Variants in ARL14EP observed in about 807,000 individuals in gnomAD.
ARL14EP encodes the protein ARL14 effector protein.
In ARL14EP, 12 loss-of-function variants were observed where a neutral mutation model predicts 23.1. The observed-to-expected ratio is 0.52, with a 90% confidence interval of 0.33 to 0.84. ARL14EP has a LOEUF of 0.84. ARL14EP is among the 40% of genes least tolerant of loss of function. ARL14EP has a pLI of 0.02. For missense variants in ARL14EP, 253 were observed against 307.3 expected (o/e 0.82, Z 1.32); for synonymous variants, 97 against 102.0 (o/e 0.95, Z 0.29).
chr11:30,332,410 T>C (rs1244498098), intron 2 of ARL14EP, among the ~76,000 whole-genome samples: 1 of 152,066 alleles, frequency 6.6e-6, no homozygotes, highest in African/African-American at 2.4e-5. Context: ...ACCGAAATTT[T>C]GTTTCACCAA....
intron 1 of ARL14EP, among the ~76,000 whole-genome samples, chr11:30,326,150 A>G (rs1479141819): frequency 6.6e-6 from 1 of 152,198 alleles, no homozygotes; most frequent in Non-Finnish European, 1.5e-5. Flanking sequence ...GCTATCTTCT[A>G]TAAAATATAG....
chr11:30,336,193 G>T (rs1419213658), intron 3 of ARL14EP, among the ~76,000 whole-genome samples: 2 of 152,170 alleles, frequency 1.3e-5, no homozygotes, highest in African/African-American at 4.8e-5. Context: ...AAAATCTATA[G>T]AGGTGGTATA....
chr11:30,337,286 C>T lies in ARL14EP; in HGVS notation c.*491C>T, dbSNP rs892619648. 1 of 176,312 alleles carries T rather than the reference C, an allele frequency of 5.7e-6. No homozygotes were observed. The highest frequency in any genetic ancestry group is 2.4e-5 in the African/African-American group (1 of 41,662). The allele number at this position is 176,312 out of a possible 1,614,324, so 10.9% of individuals were successfully genotyped here. A position where few individuals can be genotyped will look rare whatever the true frequency, so the allele number is the denominator to read the frequency against. On this transcript the variant is annotated 3_prime_UTR_variant, in exon 4 of 4. Coordinates refer to ENST00000282032, the MANE Select transcript of ARL14EP (RefSeq NM_152316.3). Reference sequence around the variant, plus strand: ...ATGATTGTGACCAGTCATGTTATTTCTTTCAAATTCTTCCAGTGGTTTGTC... The same window carrying T: ...ATGATTGTGACCAGTCATGTTATTTTTTTCAAATTCTTCCAGTGGTTTGTC...
At chr11:30,325,368 C>CT (rs1947228772) in intron 1 of ARL14EP, among the ~76,000 whole-genome samples, 1 of 152,122 alleles carries the variant, frequency 6.6e-6, no homozygotes, top group South Asian at 2.1e-4. Context: ...GAGGGTCTTT[C>CT]TTTTGCCTGG....
rs1947207261 is a variant in ARL14EP, at chr11:30,323,159, C to G, written c.-107C>G. 1 of 153,164 alleles carries G rather than the reference C, an allele frequency of 6.5e-6. No homozygotes were observed. The highest frequency in any genetic ancestry group is 1.5e-5 in the Non-Finnish European group (1 of 68,856). The allele number at this position is 153,164 out of a possible 1,614,324, so 9.5% of individuals were successfully genotyped here. On this transcript the variant is annotated 5_prime_UTR_variant, in exon 1 of 4. Transcript: ENST00000282032. ...GTCGGTCGAGTGTGGCCTGTGTGGA[C>G]TCGCATCTTGCCCGAAGCCGGGCGG...
intron 1 of ARL14EP, among the ~76,000 whole-genome samples, chr11:30,327,686 C>T (rs577060845): frequency 1.3e-5 from 2 of 151,232 alleles, no homozygotes; most frequent in South Asian, 2.1e-4. Flanking sequence ...AGGCCAGGCA[C>T]GGTGGCTCAT....
At chr11:30,325,816 G>C (rs544969707) in intron 1 of ARL14EP, among the ~76,000 whole-genome samples, 2 of 152,320 alleles carry the variant, frequency 1.3e-5, no homozygotes, top group South Asian at 4.1e-4. Flanking sequence ...AAAATTGGCT[G>C]CTTCCACAGT....
At chr11:30,323,685 T>C (rs975956549) in intron 1 of ARL14EP, among the ~76,000 whole-genome samples, 1 of 152,206 alleles carries the variant, frequency 6.6e-6, no homozygotes, top group African/African-American at 2.4e-5. Flanking sequence ...CTGGTGGTTT[T>C]AGTCATTTGT....
chr11:30,330,472 G>A (rs1008359705), intron 1 of ARL14EP: 3 of 156,758 alleles, frequency 1.9e-5, no homozygotes, highest in African/African-American at 7.2e-5. Flanking sequence ...TTGTCTTGCA[G>A]TTTGATAATT....
At position 30,336,857 on chromosome 11, in the gene ARL14EP, G is replaced by C; in HGVS notation, c.*62G>C. On this transcript the variant is annotated 3_prime_UTR_variant, in exon 4 of 4. Coordinates refer to ENST00000282032, the MANE Select transcript of ARL14EP (RefSeq NM_152316.3). ...TATTTCTAAAAATCTGTTACTCTAA[G>C]ATACATTTTAAGCTTGATTATCATA... The C allele has an allele frequency of 2.1e-6, 3 of 1,422,884 alleles. No individual in the cohort carries two copies. Among genetic ancestry groups the C allele is most frequent in the Non-Finnish European group, 9.9e-7 (1 of 1,014,548 alleles). The allele number at this position is 1,422,884 out of a possible 1,614,324, so 88.1% of individuals were successfully genotyped here. A position where few individuals can be genotyped will look rare whatever the true frequency, so the allele number is the denominator to read the frequency against.
chr11:30,333,491 T>C (rs73457825), intron 3 of ARL14EP, among the ~76,000 whole-genome samples: 4,020 of 152,246 alleles, frequency 0.026, 177 homozygotes, highest in African/African-American at 0.09. Flanking sequence ...GTATCTGTTA[T>C]GATGATCTTT....
intron 1 of ARL14EP, chr11:30,328,333 A>G (rs1947257667): frequency 6.6e-6 from 1 of 151,976 alleles, no homozygotes; most frequent in Non-Finnish European, 1.5e-5. Flanking sequence ...AGATTTCACT[A>G]TGTTAGCCAG....
chr11:30,330,847 T>A, intron 1 of ARL14EP, 39 bp from the exon 2 acceptor site: 2 of 1,124,108 alleles, frequency 1.8e-6, no homozygotes, highest in Non-Finnish European at 1.3e-6. Flanking sequence ...CTAGATAAAC[T>A]TGCAGCACAA....
At chr11:30,331,706 G>A (rs750052346) in intron 2 of ARL14EP, 59 of 1,126,378 alleles carry the variant, frequency 5.2e-5, no homozygotes, top group Admixed American at 9.2e-5. Flanking sequence ...GTAACTACAC[G>A]GGACATGGCA....
chr11:30,332,249 A>G (rs569088032), intron 2 of ARL14EP, among the ~76,000 whole-genome samples: 2 of 151,030 alleles, frequency 1.3e-5, no homozygotes, highest in Non-Finnish European at 2.9e-5. Flanking sequence ...TCTCAGAGGA[A>G]CATCTTGAGG....
intron 1 of ARL14EP, among the ~76,000 whole-genome samples, chr11:30,325,632 A>G (rs1028796746): frequency 2.6e-5 from 4 of 152,114 alleles, no homozygotes; most frequent in Admixed American, 2.0e-4. Flanking sequence ...TTTTTCTTCC[A>G]TGAAGAGTAC....
chr11:30,335,776 A>ATGTGTGTG (rs10601449), intron 3 of ARL14EP, among the ~76,000 whole-genome samples: 17 of 147,104 alleles, frequency 1.2e-4, no homozygotes, highest in African/African-American at 4.2e-4. Context: ...ATATATATAT[A>ATGTGTGTG]TGTGTGTGTG....
chr11:30,325,361 G>T (rs144895790), intron 1 of ARL14EP, among the ~76,000 whole-genome samples: 1 of 152,052 alleles, frequency 6.6e-6, no homozygotes, highest in African/African-American at 2.4e-5. Flanking sequence ...GAATTTGGAG[G>T]GTCTTTCTTT....
chr11:30,330,755 A>C (rs1947275699), intron 1 of ARL14EP, 131 bp from the exon 2 acceptor site: 1 of 590,096 alleles, frequency 1.7e-6, no homozygotes. Flanking sequence ...AATGTCTATT[A>C]TAAGACTTCG....
Sources: allele counts gnomAD v4.1 joint callset (sites outside exome capture counted in the v4.1 genomes callset), GRCh38; gene constraint gnomAD v4.1.1; transcripts MANE v1.5; gene names NCBI Gene and HGNC (gene_info 2026-07-23, HGNC 2026-07-21).